The following ATP2B2 variants were observed in gnomAD, a reference collection of about 807,000 sequenced individuals.
The protein encoded by ATP2B2 is ATPase plasma membrane Ca2+ transporting 2.
ATP2B2 carries 15 observed loss-of-function variants against 120.0 expected under a neutral mutation model. The observed-to-expected ratio is 0.12, with a 90% CI of 0.08 to 0.19. The LOEUF (loss-of-function observed/expected upper bound fraction) is 0.19, where lower values mean the gene tolerates loss of function less well. ATP2B2 is among the 10% of genes least tolerant of loss of function. ATP2B2 has a pLI of 1.00. For missense variants in ATP2B2, 1,045 were observed against 1,719.8 expected (o/e 0.61, Z 6.94); for synonymous variants, 694 against 700.3 (o/e 0.99, Z 0.14).
At chr3:10,546,324 C>T (rs952409739) in intron 2 of ATP2B2, among the ~76,000 whole-genome samples, 1 of 152,188 alleles carries the variant, frequency 6.6e-6, no homozygotes, top group Non-Finnish European at 1.5e-5. Flanking sequence ...CCCATATCCA[C>T]TTCTTTACCA....
intron 22 of ATP2B2, chr3:10,336,375 C>T (rs1427999636): frequency 1.4e-6 from 2 of 1,421,054 alleles, no homozygotes; most frequent in Non-Finnish European, 9.6e-7. Flanking sequence ...AGGGCAACGT[C>T]ACAAGAACAG....
At chr3:10,688,546 A>G (rs2071580105) in intron 1 of ATP2B2, among the ~76,000 whole-genome samples, 1 of 152,170 alleles carries the variant, frequency 6.6e-6, no homozygotes, top group Non-Finnish European at 1.5e-5. Context: ...TTAGTTATAG[A>G]TGTGTCCCTG....
chr3:10,701,263 C>T (rs562141898), intron 1 of ATP2B2, among the ~76,000 whole-genome samples: 5 of 152,304 alleles, frequency 3.3e-5, no homozygotes, highest in South Asian at 2.1e-4. Flanking sequence ...GTCTCATATA[C>T]GAAGCCTCTT....
intron 12 of ATP2B2, among the ~76,000 whole-genome samples, chr3:10,369,660 C>T (rs4684684): frequency 0.61 from 92,580 of 152,080 alleles, 28,987 homozygotes; most frequent in East Asian, 0.99. Context: ...TGCTGTGTGC[C>T]GAGCACTTTC....
chr3:10,370,157 C>A (rs551204826), intron 12 of ATP2B2, among the ~76,000 whole-genome samples: 1 of 152,246 alleles, frequency 6.6e-6, no homozygotes, highest in Non-Finnish European at 1.5e-5. Context: ...CTAAAAAGCA[C>A]TGCTTAATTG....
rs545870924 is a variant in ATP2B2 at position 10,342,241 on chromosome 3, G to A, written c.2917+511C>T. ...TTGGTGCCCTCGTTTGTAATGTGGG[G>A]TGGAGGCAAATGTGCTTGCCTCACT... is the stretch of plus-strand genomic sequence containing the variant. On this transcript the variant is annotated intron_variant, in intron 19 of 22. Coordinates refer to ENST00000360273, the MANE Select transcript of ATP2B2 (RefSeq NM_001001331.4). The surrounding 1 kb of genome is among the most constrained non-coding windows in gnomAD (Gnocchi z 4.4). Among the ~76,000 whole-genome samples, 5 of 152,346 alleles carry A rather than the reference G, an allele frequency of 3.3e-5. No homozygotes were observed. The East Asian group carries it at 9.6e-4, about 29-fold the overall frequency.
chr3:10,638,338 C>T (rs1017003198), intron 1 of ATP2B2, among the ~76,000 whole-genome samples: 6 of 151,856 alleles, frequency 4.0e-5, no homozygotes, highest in African/African-American at 1.2e-4. Context: ...AAATGTATGA[C>T]AATAACAGCA....
intron 2 of ATP2B2, among the ~76,000 whole-genome samples, chr3:10,618,818 C>T (rs2069467579): frequency 6.6e-6 from 1 of 152,126 alleles, no homozygotes; most frequent in Non-Finnish European, 1.5e-5. Flanking sequence ...CACAGAAAAC[C>T]CAAATTGCCC....
At chr3:10,455,715 G>T (rs1360411536) in intron 1 of ATP2B2, among the ~76,000 whole-genome samples, 4 of 152,204 alleles carry the variant, frequency 2.6e-5, no homozygotes, top group Non-Finnish European at 5.9e-5. Flanking sequence ...CATATAGCCA[G>T]ACCTGGCCTA....
intron 14 of ATP2B2, among the ~76,000 whole-genome samples, chr3:10,358,050 T>A (rs1255191213): frequency 6.6e-6 from 1 of 152,234 alleles, no homozygotes; most frequent in African/African-American, 2.4e-5. Flanking sequence ...CCCTTGATCC[T>A]TGTGAAGTGG....
At chr3:10,644,261 A>G (rs2070253845) in intron 1 of ATP2B2, among the ~76,000 whole-genome samples, 1 of 152,218 alleles carries the variant, frequency 6.6e-6, no homozygotes, top group Non-Finnish European at 1.5e-5. Context: ...AGTTAAGGAG[A>G]AAAGTTTTGG....
At chr3:10,354,251 C>T (rs553766357) in intron 14 of ATP2B2, among the ~76,000 whole-genome samples, 3 of 152,168 alleles carry the variant, frequency 2.0e-5, no homozygotes, top group Admixed American at 6.5e-5. Context: ...ACAGCTCTGG[C>T]GCATCTAACT....
At chr3:10,544,891 C>T (rs1395082719) in intron 2 of ATP2B2, among the ~76,000 whole-genome samples, 1 of 152,196 alleles carries the variant, frequency 6.6e-6, no homozygotes, top group African/African-American at 2.4e-5. Context: ...TTTGTTTTTC[C>T]TCCTGTGTTC....
chr3:10,467,074 T>C (rs1440652041), intron 1 of ATP2B2, among the ~76,000 whole-genome samples: 2 of 152,222 alleles, frequency 1.3e-5, no homozygotes, highest in Non-Finnish European at 2.9e-5. Flanking sequence ...AGATGGCTTC[T>C]AAGAGACTTC....
intron 8 of ATP2B2, among the ~76,000 whole-genome samples, chr3:10,382,347 A>T (rs978812122): frequency 1.4e-5 from 2 of 144,766 alleles, no homozygotes; most frequent in African/African-American, 2.6e-5. Context: ...ATGATGTATA[A>T]TTTTTTTTTT....
chr3:10,667,043 T>A (rs1428030153), intron 1 of ATP2B2, among the ~76,000 whole-genome samples: 2 of 152,220 alleles, frequency 1.3e-5, no homozygotes, highest in African/African-American at 4.8e-5. Context: ...GCTCAGAGCC[T>A]TGGATACCCA....
intron 2 of ATP2B2, among the ~76,000 whole-genome samples, chr3:10,600,402 A>T (rs565017349): frequency 4.6e-5 from 7 of 152,186 alleles, no homozygotes; most frequent in African/African-American, 1.7e-4. Context: ...GAGTCCAGAC[A>T]TCGGACTTCC....
intron 5 of ATP2B2, among the ~76,000 whole-genome samples, chr3:10,399,856 C>T (rs753940390): frequency 1.5e-4 from 23 of 152,240 alleles, no homozygotes; most frequent in Non-Finnish European, 3.2e-4. Flanking sequence ...CCACCTCCTC[C>T]AGGGAGCTCT....
chr3:10,378,516 T>G (rs1575064106), intron 9 of ATP2B2, 106 bp from the exon 10 acceptor site: 1 of 1,480,746 alleles, frequency 6.8e-7, no homozygotes, highest in East Asian at 2.3e-5. Flanking sequence ...CTGCCCAGGG[T>G]AGGTGCTGAC....
Sources: allele counts gnomAD v4.1 joint callset (sites outside exome capture counted in the v4.1 genomes callset), GRCh38; gene constraint gnomAD v4.1.1; non-coding constraint Gnocchi (gnomAD v3.1); transcripts MANE v1.5; gene names NCBI Gene and HGNC (gene_info 2026-07-23, HGNC 2026-07-21).